Variants in PRAMEF20 observed in about 807,000 individuals in gnomAD.
PRAMEF20 encodes the protein PRAME family member 20, also known as PRAME family member 20/21.
PRAMEF20 carries 27 observed loss-of-function variants against 32.4 expected under a neutral mutation model. The ratio of observed to expected loss-of-function variants is 0.83; its 90% CI spans 0.61 to 1.15. The LOEUF (loss-of-function observed/expected upper bound fraction) is 1.15. Among genes scored for constraint, PRAMEF20 ranks in the 50% most tolerant of loss-of-function variants. The pLI, the probability that PRAMEF20 is intolerant of heterozygous loss-of-function variation, is 0.00. For synonymous variants in PRAMEF20, 256 were observed against 235.4 expected, an observed-to-expected ratio of 1.09 and a Z score of -0.80; for missense variants, 604 against 584.5, an observed-to-expected ratio of 1.03 and a Z score of -0.34.
exon 3 of PRAMEF20, chr1:13,420,846 C>T (rs1305221567): frequency 8.6e-5 from 139 of 1,613,888 alleles, no homozygotes; most frequent in Non-Finnish European, 1.1e-4. Flanking sequence ...AGCCTTGTGC[C>T]GCTCCAAGTT....
Position 13,418,116 on chromosome 1 carries a change from C to G in PRAMEF20, c.288-6C>G. 1 of 1,611,968 alleles carries G rather than the reference C, an allele frequency of 6.2e-7. No homozygotes were observed. The highest frequency in any genetic ancestry group is 8.5e-7 in the Non-Finnish European group (1 of 1,179,826). ...AATTCTCAGCCTCTCTTCTATTTTTCCTCAGGAGGTGGAAACTTCAAGTGC... is the reference window on the plus strand; with the variant it reads ...AATTCTCAGCCTCTCTTCTATTTTTGCTCAGGAGGTGGAAACTTCAAGTGC... On this transcript the variant is annotated splice_polypyrimidine_tract_variant and splice_region_variant and intron_variant, in intron 1 of 2. Transcript: ENST00000602960.
At chr1:13,420,484 C>T (rs1569869295) in intron 2 of PRAMEF20, among the ~76,000 whole-genome samples, 1 of 152,302 alleles carries the variant, frequency 6.6e-6, no homozygotes, top group Non-Finnish European at 1.5e-5. Flanking sequence ...TCTGGGATTA[C>T]AGGTGTGAGT....
Position 13,420,994 on chromosome 1 carries a change from C to T in PRAMEF20, c.1164C>T (p.Pro388=), listed in dbSNP as rs976674247. ...CCACCTTCAGCTTCCGTGGAAATCC[C>T]ATCTCCACGGCCACCCTGGAGAACC... Residue 388 remains proline, a synonymous_variant, in exon 3 of 3, where the codon CCC becomes CCT. Coordinates refer to ENST00000602960, the Ensembl canonical transcript of PRAMEF20. The T allele has an allele frequency of 1.9e-6, 3 of 1,613,730 alleles. No individual in the cohort carries two copies. In the African/African-American group the frequency reaches 4.0e-5, roughly 22 times the overall value.
chr1:13,413,944 C>G (rs923386213), upstream of PRAMEF20, among the ~76,000 whole-genome samples: 1 of 152,168 alleles, frequency 6.6e-6, no homozygotes, highest in Non-Finnish European at 1.5e-5. Context: ...GAATTTTTCT[C>G]TAAATGCAGG....
upstream of PRAMEF20, among the ~76,000 whole-genome samples, chr1:13,415,243 C>G (rs1207390818): frequency 2.6e-5 from 4 of 152,174 alleles, no homozygotes; most frequent in East Asian, 7.8e-4. Context: ...CCATGCCCAG[C>G]TAATTTTTTT....
chr1:13,410,787 T>A, the PRAMEF20 span, among the ~76,000 whole-genome samples: 2 of 152,144 alleles, frequency 1.3e-5, no homozygotes, highest in Admixed American at 1.3e-4. Context: ...CGGAGGTCAA[T>A]GTGGGAGGAT....
intron 1 of PRAMEF20, 28 bp from the exon 3 acceptor site, chr1:13,418,094 T>C (rs1042240919): frequency 2.0e-4 from 322 of 1,611,700 alleles, no homozygotes; most frequent in Non-Finnish European, 2.5e-4. Context: ...GTCCTTAAAT[T>C]CTCAGCCTCT....
exon 2 of PRAMEF20, chr1:13,418,122 G>A (rs1641202410): frequency 6.2e-7 from 1 of 1,611,942 alleles, no homozygotes; most frequent in South Asian, 1.1e-5. Flanking sequence ...TTTTCCTCAG[G>A]AGGTGGAAAC....
upstream of PRAMEF20, among the ~76,000 whole-genome samples, chr1:13,415,297 G>A (rs906639699): frequency 6.6e-6 from 1 of 151,994 alleles, no homozygotes; most frequent in African/African-American, 2.4e-5. Context: ...GGCCAGGCTG[G>A]TCTTGAACTC....
At chr1:13,418,402 A>G in exon 2 of PRAMEF20, 2 of 1,613,858 alleles carry the variant, frequency 1.2e-6, no homozygotes, top group Non-Finnish European at 1.7e-6. Context: ...AATGTTGGGA[A>G]TGCTCTTCCA....
the PRAMEF20 span, among the ~76,000 whole-genome samples, chr1:13,411,340 C>G: frequency 5.6e-3 from 849 of 151,994 alleles, 27 homozygotes; most frequent in Non-Finnish European, 9.7e-4. Context: ...CCCCTCCCCC[C>G]CACCGCCAAA....
At chr1:13,421,280 T>C in exon 3 of PRAMEF20, 1 of 1,613,808 alleles carries the variant, frequency 6.2e-7, no homozygotes, top group Non-Finnish European at 8.5e-7. Flanking sequence ...TTTGGGTGGA[T>C]ATATCAAACT....
At chr1:13,419,645 C>T (rs1365822073) in intron 2 of PRAMEF20, among the ~76,000 whole-genome samples, 4 of 151,942 alleles carry the variant, frequency 2.6e-5, no homozygotes, top group Admixed American at 6.6e-5. Context: ...AGGATGGTCT[C>T]GATCTCCTGA....
chr1:13,411,334 TC>T, the PRAMEF20 span, among the ~76,000 whole-genome samples: 2 of 139,838 alleles, frequency 1.4e-5, no homozygotes, highest in South Asian at 4.8e-4. Flanking sequence ...TCTGGCCCCC[TC>T]CCCCCCACCG....
At chr1:13,412,513 T>G (rs1170233594), upstream of PRAMEF20, among the ~76,000 whole-genome samples, 1 of 152,098 alleles carries the variant, frequency 6.6e-6, no homozygotes, top group Non-Finnish European at 1.5e-5. Flanking sequence ...GACACCAGAC[T>G]TTCAATTCTT....
chr1:13,418,366 G>C (rs1225272301), exon 2 of PRAMEF20: 29 of 1,613,794 alleles, frequency 1.8e-5, no homozygotes, highest in East Asian at 4.5e-5. Context: ...GGAAGGTTTA[G>C]TACACCTGTG....
exon 3 of PRAMEF20, chr1:13,421,291 C>T (rs1641242357): frequency 1.9e-6 from 3 of 1,613,490 alleles, no homozygotes; most frequent in African/African-American, 1.3e-5. Flanking sequence ...ATATCAAACT[C>T]TTTTTTCTGA....
exon 1 of PRAMEF20, chr1:13,416,516 G>A: frequency 6.2e-7 from 1 of 1,614,124 alleles, no homozygotes; most frequent in African/African-American, 1.3e-5. Context: ...CCCTGAAGCT[G>A]ATGGTGCAGG....
upstream of PRAMEF20, among the ~76,000 whole-genome samples, chr1:13,413,140 C>T (rs973528909): frequency 4.6e-5 from 7 of 152,208 alleles, no homozygotes; most frequent in Non-Finnish European, 7.3e-5. Flanking sequence ...TTCAACCCTT[C>T]CCTATCTCAC....
Sources: allele counts gnomAD v4.1 joint callset (sites outside exome capture counted in the v4.1 genomes callset), GRCh38; gene constraint gnomAD v4.1.1; transcripts MANE v1.5; gene names NCBI Gene and HGNC (gene_info 2026-07-23, HGNC 2026-07-21).